ZBTB38: variants seen among roughly 807,000 people sequenced by gnomAD.
ZBTB38 encodes the protein zinc finger and BTB domain-containing protein 38.
Under a neutral mutation model 76.8 loss-of-function variants are expected in ZBTB38, and 20 were observed. That is an observed-to-expected ratio of 0.26 (90% CI 0.18 to 0.38). The LOEUF (loss-of-function observed/expected upper bound fraction) is 0.38. Ranked by LOEUF, ZBTB38 falls within the 10% of genes least tolerant of loss-of-function variation. ZBTB38 has a pLI of 1.00. For synonymous variants in ZBTB38, 504 were observed against 544.2 expected, an observed-to-expected ratio of 0.93 and a Z score of 1.03; for missense variants, 1,082 against 1,482.3, an observed-to-expected ratio of 0.73 and a Z score of 4.43.
chr3:141,356,408 T>C lies in ZBTB38; in HGVS notation c.-738-12213T>C, dbSNP rs568309820. ...ACACCTTTTCTCACTCATACAAAAG[T>C]GTTACAGGGCTGCTGCGGCTCTGTT... is the stretch of plus-strand genomic sequence containing the variant. On this transcript the variant is annotated intron_variant, in intron 1 of 7. Coordinates refer to the ZBTB38 transcript ENST00000509842. 1.7e-3 allele frequency among the ~76,000 whole-genome samples: 265 copies of C among 152,078 alleles called. 1 individual carries two copies. Among genetic ancestry groups the C allele is most frequent in the African/African-American group, 6.1e-3 (255 of 41,472 alleles).
At chr3:141,324,964 G>A (rs1942628001) in intron 1 of ZBTB38, among the ~76,000 whole-genome samples, 1 of 152,202 alleles carries the variant, frequency 6.6e-6, no homozygotes, top group African/African-American at 2.4e-5. Flanking sequence ...AAACAGTAGT[G>A]ATCATATATT....
In ZBTB38 at chr3:141,351,935, C is replaced by T. The variant is rs569904945; in HGVS notation, c.-738-16686C>T. Among the ~76,000 whole-genome samples, 47 of 152,074 alleles carry T rather than the reference C, an allele frequency of 3.1e-4. No homozygotes were observed. In the South Asian group the frequency reaches 8.7e-3, roughly 28 times the overall value. ...CCTCAGGTTGTTGGAGATTTCAATACAAAGATAAAGTCTTGTTTTTGTAAG... is the reference window on the plus strand; with the variant it reads ...CCTCAGGTTGTTGGAGATTTCAATATAAAGATAAAGTCTTGTTTTTGTAAG... On this transcript the variant is annotated intron_variant, in intron 1 of 7. Transcript: ENST00000509842.
chr3:141,395,810 A>G (rs1452675906), intron 4 of ZBTB38, among the ~76,000 whole-genome samples: 2 of 152,236 alleles, frequency 1.3e-5, no homozygotes, highest in Non-Finnish European at 2.9e-5. Context: ...AAGGTGCACA[A>G]ACTTTTTAGT....
chr3:141,328,999 C>T (rs1223570694), intron 1 of ZBTB38, among the ~76,000 whole-genome samples: 4 of 152,210 alleles, frequency 2.6e-5, no homozygotes, highest in Admixed American at 6.5e-5. Context: ...CCTGTCTCCC[C>T]GTCCCCCAGT....
At chr3:141,344,634 A>G (rs1443159544) in intron 1 of ZBTB38, among the ~76,000 whole-genome samples, 2 of 152,118 alleles carry the variant, frequency 1.3e-5, no homozygotes, top group Admixed American at 1.3e-4. Context: ...TTGGCCTCCA[A>G]AAGTGCTGAG....
intron 4 of ZBTB38, among the ~76,000 whole-genome samples, chr3:141,400,213 T>C (rs909936608): frequency 6.6e-6 from 1 of 152,224 alleles, no homozygotes; most frequent in African/African-American, 2.4e-5. Flanking sequence ...ATGGAAAATT[T>C]TGAAGAACGG....
At chr3:141,396,208 A>G (rs1950323664) in intron 4 of ZBTB38, 2 of 152,350 alleles carry the variant, frequency 1.3e-5, no homozygotes, top group South Asian at 4.1e-4. Flanking sequence ...TCCTTGCTTC[A>G]TCAACTAAAT....
intron 5 of ZBTB38, among the ~76,000 whole-genome samples, chr3:141,414,941 A>T (rs532712096): frequency 6.6e-6 from 1 of 151,618 alleles, no homozygotes; most frequent in Non-Finnish European, 1.5e-5. Flanking sequence ...TCTTTTCTGC[A>T]TATCTTTTAA....
chr3:141,431,341 A>AAAAAAAAAAAAAAATATAT, intron 5 of ZBTB38, among the ~76,000 whole-genome samples: 1 of 103,294 alleles, frequency 9.7e-6, no homozygotes, highest in African/African-American at 6.0e-5. Flanking sequence ...AAAAAAAAAA[A>AAAAAAAAAAAAAAATATAT]ATATATATAT....
chr3:141,375,608 A>C (rs1323285677), intron 2 of ZBTB38, among the ~76,000 whole-genome samples: 1 of 152,254 alleles, frequency 6.6e-6, no homozygotes, highest in Non-Finnish European at 1.5e-5. Flanking sequence ...GGCAGCATCC[A>C]TGTGATCAGC....
rs774319539 is a variant in ZBTB38 at position 141,443,463 on chromosome 3, G to A, written c.1075G>A (p.Ala359Thr). The change falls in exon 6 of 6, where the codon GCC becomes ACC. Residue 359 changes from alanine to threonine, a missense_variant. Physicochemically the swap from Ala to Thr is moderately conservative, Grantham distance 58. Around this residue, in one of 8 missense-constraint regions of ZBTB38, gnomAD observed 324 missense variants for 359.1 expected, o/e 0.90. Coordinates refer to ENST00000321464, the MANE Select transcript of ZBTB38 (RefSeq NM_001376113.1). The surrounding 1 kb of genome is among the most constrained non-coding windows in gnomAD (Gnocchi z 5.6). ...CTTTGACAGCAGCACTCTGCTCAGT[G>A]CCCACATGCAGCTTCACAAGCCAAC... ...KAFDSSTLLS[A>T]HMQLHKPTQE... is the part of the protein sequence containing the mutation. The A allele has an allele frequency of 5.0e-6, 8 of 1,614,078 alleles. No individual in the cohort carries two copies. The highest frequency in any genetic ancestry group is 1.1e-5 in the South Asian group (1 of 91,088).
Position 141,442,571 on chromosome 3 carries a change from C to A in ZBTB38, c.183C>A (p.Ile61=), listed in dbSNP as rs769884189. Residue 61 remains isoleucine (I), a synonymous_variant, in exon 6 of 6, where the codon ATC becomes ATA. Transcript: ENST00000321464. The surrounding 1 kb of genome is among the most constrained non-coding windows in gnomAD (Gnocchi z 6.4). ...CTTCAAGCCTGTATTTTAAAAATAT[C>A]TTTTGGAGCCATACAATCTGTATTT... The part of the protein sequence containing the change: ...LAASSLYFKN[I]FWSHTICISS... 1.2e-6 allele frequency: 2 copies of A among 1,614,120 alleles called. No homozygotes were observed. Among genetic ancestry groups the A allele is most frequent in the African/African-American group, 1.3e-5 (1 of 74,940 alleles).
intron 5 of ZBTB38, chr3:141,405,888 G>A (rs909131022): frequency 6.6e-6 from 1 of 152,236 alleles, no homozygotes; most frequent in Non-Finnish European, 1.5e-5. Flanking sequence ...AGATATTTTG[G>A]TAATTTGAGG....
intron 4 of ZBTB38, among the ~76,000 whole-genome samples, chr3:141,398,387 A>T (rs1950863678): frequency 6.6e-6 from 1 of 152,106 alleles, no homozygotes; most frequent in South Asian, 2.1e-4. Context: ...GGAGTGTTGA[A>T]CATTTTGGCC....
chr3:141,360,065 C>T (rs1350596623), intron 1 of ZBTB38, among the ~76,000 whole-genome samples: 1 of 152,042 alleles, frequency 6.6e-6, no homozygotes, highest in Non-Finnish European at 1.5e-5. Context: ...ATAATAAATA[C>T]AAAAACAACA....
intron 5 of ZBTB38, among the ~76,000 whole-genome samples, chr3:141,418,765 G>A (rs2074674997): frequency 6.6e-6 from 1 of 152,188 alleles, no homozygotes; most frequent in African/African-American, 2.4e-5. Flanking sequence ...TGCTAGCTAA[G>A]GTCTCTATAT....
At chr3:141,395,248 A>G (rs1329048578) in intron 4 of ZBTB38, among the ~76,000 whole-genome samples, 1 of 152,270 alleles carries the variant, frequency 6.6e-6, no homozygotes, top group Non-Finnish European at 1.5e-5. Context: ...TACAAAAAGC[A>G]GATTGGTTAA....
Position 141,375,246 on chromosome 3 carries a change from A to T in ZBTB38, c.-235+5300A>T, listed in dbSNP as rs143415227. Among the ~76,000 whole-genome samples the T allele has an allele frequency of 6.5e-3, 994 of 152,332 alleles. 12 individuals carry two copies. The highest frequency in any genetic ancestry group is 0.022 in the African/African-American group (900 of 41,572). ...ATCAAGAAACCATATTGTACACATG[A>T]AATCACTGAGGCCCATAATGGTTCA... On this transcript the variant is annotated intron_variant, in intron 2 of 5. Coordinates refer to ENST00000321464, the MANE Select transcript of ZBTB38 (RefSeq NM_001376113.1).
upstream of ZBTB38, among the ~76,000 whole-genome samples, chr3:141,364,007 C>G (rs1346504817): frequency 6.6e-6 from 1 of 152,080 alleles, no homozygotes; most frequent in African/African-American, 2.4e-5. Flanking sequence ...AACTTTTATG[C>G]TTCAAATAAC....
Sources: gnomAD v4.1 joint callset for allele counts (sites outside exome capture counted in the v4.1 genomes callset) on GRCh38, gnomAD v4.1.1 for gene constraint, gnomAD v4.1.1 regional missense constraint, Gnocchi (gnomAD v3.1) non-coding constraint, MANE v1.5 for transcripts, NCBI Gene and HGNC (gene_info 2026-07-23, HGNC 2026-07-21) for gene names.